The following SMPX variants were observed in gnomAD, a reference collection of about 807,000 sequenced individuals.
The protein encoded by SMPX is small muscular protein.
A neutral mutation model predicts 6.3 loss-of-function variants in SMPX; 2 were observed. The observed-to-expected ratio is 0.32, with a 90% CI of 0.13 to 0.99. SMPX has a LOEUF of 0.99. Ranked by LOEUF, SMPX falls within the 50% of genes least tolerant of loss-of-function variation. The pLI, the probability that SMPX is intolerant of heterozygous loss-of-function variation, is 0.49. For synonymous variants in SMPX, 32 were observed against 24.7 expected (o/e 1.30, Z -0.88); for missense variants, 60 against 66.8 (o/e 0.90, Z 0.36).
intron 4 of SMPX, among the ~76,000 whole-genome samples, chrX:21,731,482 T>A (rs7886528): frequency 0.53 from 29,508 of 55,796 alleles, 7,085 homozygotes; most frequent in African/African-American, 0.73. Flanking sequence ...ACATACACAT[T>A]ATGTGTGTAT....
At chrX:21,736,027 A>G (rs1039199495) in intron 4 of SMPX, among the ~76,000 whole-genome samples, 1 of 111,881 alleles carries the variant, frequency 8.9e-6, no homozygotes, top group Non-Finnish European at 1.9e-5. Flanking sequence ...ATGGTCATAG[A>G]TCCACTCTGT....
rs1484249941 is a variant in SMPX, at chrX:21,706,275, A to C, written c.*134T>G. The C allele has an allele frequency of 4.0e-6, 2 of 499,768 alleles. No individual in the cohort carries two copies. Among genetic ancestry groups the C allele is most frequent in the Admixed American group, 2.7e-5 (1 of 37,512 alleles). 41.2% of individuals were successfully genotyped at this position (499,768 alleles called of 1,213,427 possible). A position where few individuals can be genotyped will look rare whatever the true frequency, so the allele number is the denominator to read the frequency against. On this transcript the variant is annotated 3_prime_UTR_variant, in exon 5 of 5. Coordinates refer to ENST00000379494, the MANE Select transcript of SMPX (RefSeq NM_014332.3). ...TAGAAGGAAGAGATATAAATGTACA[A>C]ACAGGCCATTTCTGCTAGAGTCTCA...
chrX:21,720,046 G>A (rs1464273482), intron 4 of SMPX, among the ~76,000 whole-genome samples: 1 of 112,050 alleles, frequency 8.9e-6, no homozygotes, highest in Non-Finnish European at 1.9e-5. Context: ...AGGTGGCTAT[G>A]GTAGGCAGCC....
At chrX:21,727,016 C>T (rs1046702181) in intron 4 of SMPX, among the ~76,000 whole-genome samples, 2 of 112,412 alleles carry the variant, frequency 1.8e-5, no homozygotes, top group African/African-American at 3.2e-5. Flanking sequence ...GTGCTAATAT[C>T]CCCTCTCACA....
At chrX:21,752,366 A>G (rs1602113220) in intron 2 of SMPX, among the ~76,000 whole-genome samples, 1 of 111,954 alleles carries the variant, frequency 8.9e-6, no homozygotes, top group Middle Eastern at 4.6e-3. Context: ...AAGAATTTTT[A>G]TGTTTAGCAC....
chrX:21,716,918 C>CT (rs1291239342), intron 4 of SMPX, among the ~76,000 whole-genome samples: 3 of 111,885 alleles, frequency 2.7e-5, no homozygotes, highest in Non-Finnish European at 5.6e-5. Flanking sequence ...CAATGTAAAT[C>CT]TTTTTTTCTT....
At chrX:21,706,745 A>G (rs2092773359) in intron 4 of SMPX, among the ~76,000 whole-genome samples, 1 of 110,608 alleles carries the variant, frequency 9.0e-6, no homozygotes, top group East Asian at 2.9e-4. Flanking sequence ...GATGGAGATA[A>G]TTTCATCACG....
chrX:21,707,667 A>G lies in SMPX; in HGVS notation c.*15-1273T>C, dbSNP rs773875803. ...CAGAATGAGGCAGAAATGATGGTGT[A>G]CCAGTTTTGAGCCTATGCCTCAAAA... On this transcript the variant is annotated intron_variant, in intron 4 of 4. Transcript: ENST00000379494. Among the ~76,000 whole-genome samples the G allele has an allele frequency of 5.3e-5, 6 of 112,582 alleles. No individual in the cohort carries two copies. In the South Asian group the frequency reaches 2.2e-3, roughly 42 times the overall value.
intron 1 of SMPX, among the ~76,000 whole-genome samples, chrX:21,756,819 CT>C: frequency 8.9e-6 from 1 of 112,773 alleles, no homozygotes; most frequent in East Asian, 2.8e-4. Context: ...ATTACTACGT[CT>C]CCTGGTTCTG....
chrX:21,736,288 G>A (rs924885007), intron 4 of SMPX, among the ~76,000 whole-genome samples: 3 of 111,655 alleles, frequency 2.7e-5, no homozygotes, highest in Admixed American at 9.5e-5. Context: ...GGCCCTATCC[G>A]CCCCACTGCT....
At chrX:21,726,475 T>G (rs762114424) in intron 4 of SMPX, among the ~76,000 whole-genome samples, 22 of 112,727 alleles carry the variant, frequency 2.0e-4, no homozygotes, top group African/African-American at 6.1e-4. Context: ...GACTCACTGC[T>G]AATAGATAGG....
chrX:21,757,588 A>G (rs2092834287), intron 1 of SMPX, among the ~76,000 whole-genome samples: 1 of 111,986 alleles, frequency 8.9e-6, no homozygotes, highest in African/African-American at 3.2e-5. Context: ...TCTGGCCCAA[A>G]TTCTGATGAT....
intron 2 of SMPX, among the ~76,000 whole-genome samples, chrX:21,752,391 A>G (rs781764575): frequency 8.9e-6 from 1 of 112,113 alleles, no homozygotes; most frequent in African/African-American, 3.2e-5. Context: ...GGAGGTTCAA[A>G]TGCAGTGATT....
intron 4 of SMPX, among the ~76,000 whole-genome samples, chrX:21,731,282 C>A (rs1225922190): frequency 9.4e-6 from 1 of 106,350 alleles, no homozygotes; most frequent in African/African-American, 3.4e-5. Context: ...TATTTCATGG[C>A]CTAACATATG....
chrX:21,731,428 T>TATGTGTGTATGTGTACACACACACATA lies in SMPX; in HGVS notation c.*14+6120_*14+6121insTATGTGTGTGTGTACACATACACACAT, dbSNP rs1569306442. Among the ~76,000 whole-genome samples the TATGTGTGTATGTGTACACACACACATA allele has an allele frequency of 6.0e-3, 314 of 52,722 alleles. 9 individuals are homozygous for TATGTGTGTATGTGTACACACACACATA. The highest frequency in any genetic ancestry group is 0.022 in the African/African-American group (298 of 13,380). The allele number at this position is 52,722 out of a possible 115,157, so 45.8% of individuals were successfully genotyped here. A position where few individuals can be genotyped will look rare whatever the true frequency, so the allele number is the denominator to read the frequency against. On this transcript the variant is annotated intron_variant, in intron 4 of 4. Transcript: ENST00000379494. ...TACATATAATATATATACACACATA[T>TATGTGTGTATGTGTACACACACACATA]ATGTGTGTATGTGTACACATACACA...
intron 4 of SMPX, among the ~76,000 whole-genome samples, chrX:21,735,729 A>T (rs1426230814): frequency 8.9e-6 from 1 of 112,291 alleles, no homozygotes; most frequent in Non-Finnish European, 1.9e-5. Flanking sequence ...AGTTTGCATT[A>T]AAAATTCGTG....
intron 4 of SMPX, among the ~76,000 whole-genome samples, chrX:21,713,819 T>C (rs1200326359): frequency 8.9e-6 from 1 of 112,230 alleles, no homozygotes; most frequent in African/African-American, 3.2e-5. Context: ...CACAGAAATA[T>C]ACCTGTAGTG....
At chrX:21,753,373 A>G (rs1331123942) in intron 2 of SMPX, among the ~76,000 whole-genome samples, 2 of 111,233 alleles carry the variant, frequency 1.8e-5, no homozygotes, top group Non-Finnish European at 3.8e-5. Context: ...CCACAAGCAC[A>G]CCCCTCCACA....
At chrX:21,730,964 G>A (rs888539179) in intron 4 of SMPX, among the ~76,000 whole-genome samples, 1 of 111,730 alleles carries the variant, frequency 9.0e-6, no homozygotes, top group Admixed American at 9.5e-5. Flanking sequence ...TGATTGGTTG[G>A]TTATGGGATT....
Sources: gnomAD v4.1 joint callset for allele counts (sites outside exome capture counted in the v4.1 genomes callset) on GRCh38, gnomAD v4.1.1 for gene constraint, MANE v1.5 for transcripts, NCBI Gene and HGNC (gene_info 2026-07-23, HGNC 2026-07-21) for gene names.